C21orf91: variants seen among roughly 807,000 people sequenced by gnomAD.
C21orf91 encodes the protein chromosome 21 open reading frame 91, also known as protein EURL homolog.
C21orf91 carries 26 observed loss-of-function variants against 32.9 expected under a neutral mutation model. That is an observed-to-expected ratio of 0.79 (90% CI 0.58 to 1.10). The LOEUF is 1.10. Among genes scored for constraint, C21orf91 ranks in the 50% least tolerant of loss-of-function variants. The pLI is 0.00. For missense variants in C21orf91, 310 were observed against 341.3 expected (o/e 0.91, Z 0.72); for synonymous variants, 126 against 120.4 (o/e 1.05, Z -0.31).
intron 2 of C21orf91, among the ~76,000 whole-genome samples, chr21:17,802,168 CTTAT>C (rs1391314211): frequency 6.6e-6 from 1 of 152,124 alleles, no homozygotes; most frequent in Non-Finnish European, 1.5e-5. Context: ...CATCATTACT[CTTAT>C]TTTTTTGAGA....
chr21:17,810,326 A>C (rs369861976), intron 2 of C21orf91, among the ~76,000 whole-genome samples: 1 of 152,196 alleles, frequency 6.6e-6, no homozygotes, highest in African/African-American at 2.4e-5. Context: ...AACATGGAAA[A>C]ATTTTTCTTA....
rs1252711233 is a variant in C21orf91 at position 17,797,136 on chromosome 21, A to G, written c.128-18T>C. 2 of 1,524,568 alleles carry G rather than the reference A, an allele frequency of 1.3e-6. No individual in the cohort carries two copies. Among genetic ancestry groups the G allele is most frequent in the East Asian group, 2.3e-5 (1 of 44,286 alleles). 94.4% of individuals were successfully genotyped at this position (1,524,568 alleles called of 1,614,324 possible). ...TGGTACCCCTATGGAAAAAAAAGAG[A>G]AACAAAAGACTTGAGAAATTTTGTT... On this transcript the variant is annotated intron_variant, in intron 2 of 4. Transcript: ENST00000284881.
chr21:17,799,048 A>G (rs2062540904), intron 2 of C21orf91, among the ~76,000 whole-genome samples: 2 of 152,214 alleles, frequency 1.3e-5, no homozygotes, highest in South Asian at 2.1e-4. Flanking sequence ...TTCTCAGTGC[A>G]CTGCCTCAGC....
rs1345091432 is a variant in C21orf91, at chr21:17,793,290, T to C, written c.*125A>G. On this transcript the variant is annotated 3_prime_UTR_variant, in exon 5 of 5. Coordinates refer to ENST00000284881, the MANE Select transcript of C21orf91 (RefSeq NM_001100420.2). ...TTTATTTGACAAAGATGTTAAATAC[T>C]GCCTTATGTTTGGCAAATTTAATGA... The C allele has an allele frequency of 6.9e-6, 4 of 582,228 alleles. No homozygotes were observed. Among genetic ancestry groups the C allele is most frequent in the Non-Finnish European group, 1.2e-5 (4 of 338,604 alleles). The allele number at this position is 582,228 out of a possible 1,614,324, so 36.1% of individuals were successfully genotyped here.
At chr21:17,807,229 T>C (rs756895555) in intron 2 of C21orf91, among the ~76,000 whole-genome samples, 40 of 152,286 alleles carry the variant, frequency 2.6e-4, no homozygotes, top group Admixed American at 7.2e-4. Flanking sequence ...GGGAGCAAAC[T>C]TCCCCCCTTG....
At chr21:17,795,943 T>A (rs1298424522) in intron 3 of C21orf91, among the ~76,000 whole-genome samples, 1 of 152,362 alleles carries the variant, frequency 6.6e-6, no homozygotes, top group Admixed American at 6.5e-5. Context: ...CATTAGATAG[T>A]TTATAACCTG....
chr21:17,797,264 C>T, intron 2 of C21orf91, 146 bp from the exon 3 acceptor site: 1 of 522,980 alleles, frequency 1.9e-6, no homozygotes, highest in South Asian at 3.5e-5. Context: ...TATTAATATA[C>T]AATGTGGCCT....
At chr21:17,818,392 C>A (rs1183769393) in intron 1 of C21orf91, 67 bp from the exon 2 acceptor site, 30 of 1,305,234 alleles carry the variant, frequency 2.3e-5, no homozygotes, top group Non-Finnish European at 3.0e-5. Flanking sequence ...GTTCCCTTTA[C>A]TGGGAACTTC....
chr21:17,792,178 T>C lies in C21orf91; in HGVS notation c.*1237A>G, dbSNP rs2062479615. ...TCTGCATTGGTTATAGCCTTTACTG[T>C]AATACATTATTAAAATTTATCTAGC... On this transcript the variant is annotated 3_prime_UTR_variant, in exon 5 of 5. Coordinates refer to ENST00000284881, the MANE Select transcript of C21orf91 (RefSeq NM_001100420.2). 6.6e-6 allele frequency: 1 copy of C among 152,184 alleles called. No individual in the cohort carries two copies. Among genetic ancestry groups the C allele is most frequent in the Admixed American group, 6.5e-5 (1 of 15,278 alleles). 9.4% of individuals were successfully genotyped at this position (152,184 alleles called of 1,614,324 possible).
Position 17,796,769 on chromosome 21 carries a change from T to G in C21orf91, c.477A>C (p.Gln159His). The change falls in exon 3 of 5, where the codon CAA becomes CAC. Residue 159 changes from glutamine to histidine, a missense_variant. By Grantham distance (24) the Gln-to-His change is conservative. Coordinates refer to ENST00000284881, the MANE Select transcript of C21orf91 (RefSeq NM_001100420.2). ...TATTTTCCCTCTGCTCCAAAATTCT[T>G]TGTGTACAGTTAGAGATGCCACCTG... Reference protein sequence around the residue: ...GSAGGISNCTQRILEQRENTD... With the variant: ...GSAGGISNCTHRILEQRENTD... 1 of 1,614,158 alleles carries G rather than the reference T, an allele frequency of 6.2e-7. No individual in the cohort carries two copies. Among genetic ancestry groups the G allele is most frequent in the Non-Finnish European group, 8.5e-7 (1 of 1,179,976 alleles).
At chr21:17,803,951 G>A (rs2062578952) in intron 2 of C21orf91, among the ~76,000 whole-genome samples, 2 of 152,194 alleles carry the variant, frequency 1.3e-5, no homozygotes, top group Admixed American at 1.3e-4. Context: ...ACAGGAACTG[G>A]CTGCTGAACT....
At chr21:17,800,324 A>C (rs1318118019) in intron 2 of C21orf91, among the ~76,000 whole-genome samples, 1 of 152,204 alleles carries the variant, frequency 6.6e-6, no homozygotes, top group African/African-American at 2.4e-5. Context: ...GTAGCATAGG[A>C]AACAAAAACT....
intron 2 of C21orf91, among the ~76,000 whole-genome samples, chr21:17,808,180 C>T (rs1479610555): frequency 2.6e-5 from 4 of 152,346 alleles, no homozygotes; most frequent in East Asian, 3.9e-4. Flanking sequence ...AGACACTGCT[C>T]ATGTCCCAGC....
intron 2 of C21orf91, among the ~76,000 whole-genome samples, chr21:17,814,615 G>A (rs972722326): frequency 6.6e-6 from 1 of 152,158 alleles, no homozygotes; most frequent in Admixed American, 6.5e-5. Flanking sequence ...GAGGGAGCCA[G>A]CACCTCAACT....
intron 2 of C21orf91, among the ~76,000 whole-genome samples, chr21:17,810,232 G>T (rs1195895335): frequency 6.6e-6 from 1 of 152,114 alleles, no homozygotes. Context: ...ATAATATAGT[G>T]ATTAAATGTA....
At position 17,813,239 on chromosome 21, in the gene C21orf91, C is replaced by G. The variant is rs953006177; in HGVS notation, c.127+4953G>C. On this transcript the variant is annotated intron_variant, in intron 2 of 4. Coordinates refer to ENST00000284881, the MANE Select transcript of C21orf91 (RefSeq NM_001100420.2). ...AGTGGAAAAAAGTTAGTGTCAGAAG[C>G]AGGACATAGAGGAACAGTTTATGTT... is the stretch of plus-strand genomic sequence containing the variant. 2.6e-5 allele frequency among the ~76,000 whole-genome samples: 4 copies of G among 152,154 alleles called. No homozygotes were observed. In the East Asian group the frequency reaches 7.7e-4, roughly 29 times the overall value.
At chr21:17,819,221 GC>G (rs1387524363) in intron 1 of C21orf91, 81 bp downstream of exon 1, 1 of 152,444 alleles carries the variant, frequency 6.6e-6, no homozygotes, top group Non-Finnish European at 1.5e-5. Flanking sequence ...GGGCCACGGG[GC>G]TCGGAACTCG....
rs752104748 is a variant in C21orf91, at chr21:17,791,049, T to G, written c.*2366A>C. The G allele has an allele frequency of 6.7e-6, 1 of 148,736 alleles. No individual in the cohort carries two copies. The highest frequency in any genetic ancestry group is 1.5e-5 in the Non-Finnish European group (1 of 66,418). 9.2% of individuals were successfully genotyped at this position (148,736 alleles called of 1,614,324 possible). A position where few individuals can be genotyped will look rare whatever the true frequency, so the allele number is the denominator to read the frequency against. On this transcript the variant is annotated 3_prime_UTR_variant, in exon 5 of 5. Transcript: ENST00000284881. ...ATAGCCAAGTGTGGAAAACAATATT[T>G]GTGATATTTCATGTTCTCTTGTTAG...
At chr21:17,818,456 G>T (rs1193558944) in intron 1 of C21orf91, 131 bp from the exon 2 acceptor site, 3 of 705,648 alleles carry the variant, frequency 4.3e-6, no homozygotes, top group African/African-American at 3.6e-5. Flanking sequence ...CATCAAACAA[G>T]CATCGCCATA....
Sources: gnomAD v4.1 joint callset for allele counts (sites outside exome capture counted in the v4.1 genomes callset) on GRCh38, gnomAD v4.1.1 for gene constraint, MANE v1.5 for transcripts, NCBI Gene and HGNC (gene_info 2026-07-23, HGNC 2026-07-21) for gene names.